NXPE2: variants seen among roughly 807,000 people sequenced by gnomAD.
NXPE2 encodes neurexophilin and PC-esterase domain family member 2.
A neutral mutation model predicts 34.4 loss-of-function variants in NXPE2; 34 were observed. The observed-to-expected ratio is 0.99, with a 90% confidence interval of 0.75 to 1.31. NXPE2 has a LOEUF of 1.31. NXPE2 is among the 40% of genes most tolerant of loss of function. The pLI, the probability that NXPE2 is intolerant of heterozygous loss-of-function variation, is 0.00. For synonymous variants in NXPE2, 235 were observed against 231.3 expected (o/e 1.02, Z -0.15); for missense variants, 649 against 672.5 (o/e 0.97, Z 0.39).
At chr11:114,806,994 C>T in the NXPE2 span, among the ~76,000 whole-genome samples, 82,055 of 151,408 alleles carry the variant, frequency 0.54, 23,523 homozygotes, top group Non-Finnish European at 0.65. Flanking sequence ...GCTGATCTCT[C>T]GCCAGAAACT....
the NXPE2 span, among the ~76,000 whole-genome samples, chr11:114,606,763 G>T: frequency 6.6e-6 from 1 of 151,870 alleles, no homozygotes; most frequent in Non-Finnish European, 1.5e-5. Context: ...AGTACCACAG[G>T]GGTAACCACT....
chr11:114,802,999 C>T, the NXPE2 span, among the ~76,000 whole-genome samples: 12 of 152,102 alleles, frequency 7.9e-5, no homozygotes, highest in South Asian at 2.1e-4. Context: ...AAGCAGGGCC[C>T]GCAGGTCCCC....
the NXPE2 span, among the ~76,000 whole-genome samples, chr11:114,559,630 C>T: frequency 6.6e-6 from 1 of 151,930 alleles, no homozygotes; most frequent in East Asian, 1.9e-4. Flanking sequence ...TTGTTTCCCA[C>T]ACTTTCTTCT....
At chr11:114,487,480 C>T in the NXPE2 span, among the ~76,000 whole-genome samples, 93,395 of 151,982 alleles carry the variant, frequency 0.61, 30,317 homozygotes, top group African/African-American at 0.84. Context: ...TGCTATAAAA[C>T]TTCCTTTCCA....
chr11:114,520,560 ATGC>A, the NXPE2 span, among the ~76,000 whole-genome samples: 2 of 152,184 alleles, frequency 1.3e-5, no homozygotes, highest in Admixed American at 6.5e-5. Context: ...ATTGTGAATA[ATGC>A]TGCAGTGAGC....
chr11:114,542,182 A>G, the NXPE2 span, among the ~76,000 whole-genome samples: 1 of 152,076 alleles, frequency 6.6e-6, no homozygotes, highest in East Asian at 1.9e-4. Flanking sequence ...CTTAAATTCT[A>G]TTTTCTTTAC....
chr11:114,783,821 A>G, the NXPE2 span, among the ~76,000 whole-genome samples: 74 of 152,146 alleles, frequency 4.9e-4, no homozygotes, highest in Non-Finnish European at 6.3e-4. Context: ...TCCATTCAAG[A>G]GTTGCTCAAC....
chr11:114,653,574 C>T, the NXPE2 span, among the ~76,000 whole-genome samples: 12 of 142,354 alleles, frequency 8.4e-5, no homozygotes, highest in East Asian at 2.1e-4. Context: ...CTTGCTCTGT[C>T]GCCCAGGCAG....
the NXPE2 span, among the ~76,000 whole-genome samples, chr11:114,643,239 G>GTT: frequency 2.6e-5 from 4 of 152,010 alleles, no homozygotes; most frequent in African/African-American, 9.7e-5. Context: ...TTCTTTTGCT[G>GTT]TGCAGAAGCT....
the NXPE2 span, among the ~76,000 whole-genome samples, chr11:114,766,533 A>G: frequency 4.0e-5 from 6 of 151,240 alleles, no homozygotes; most frequent in Non-Finnish European, 8.9e-5. Context: ...CTTTATTCCC[A>G]CACTTTCCCT....
At chr11:114,491,821 AT>A in the NXPE2 span, among the ~76,000 whole-genome samples, 8 of 152,242 alleles carry the variant, frequency 5.3e-5, no homozygotes, top group African/African-American at 1.9e-4. Context: ...ATGGAATACT[AT>A]GCAGCCATAA....
At chr11:114,673,264 T>C in the NXPE2 span, among the ~76,000 whole-genome samples, 2 of 151,370 alleles carry the variant, frequency 1.3e-5, no homozygotes, top group Admixed American at 1.3e-4. Context: ...GAAATCAGAA[T>C]ACACTTTCAG....
chr11:114,787,711 A>AGCATC, the NXPE2 span, among the ~76,000 whole-genome samples: 1 of 152,206 alleles, frequency 6.6e-6, no homozygotes, highest in Non-Finnish European at 1.5e-5. Context: ...GCTACTATGT[A>AGCATC]TGTATCTATC....
the NXPE2 span, among the ~76,000 whole-genome samples, chr11:114,772,396 T>G: frequency 6.6e-6 from 1 of 152,098 alleles, no homozygotes; most frequent in Non-Finnish European, 1.5e-5. Flanking sequence ...AAGTTCTGAT[T>G]CTAAATCCTG....
chr11:114,525,459 T>C, the NXPE2 span, among the ~76,000 whole-genome samples: 2 of 152,078 alleles, frequency 1.3e-5, no homozygotes, highest in African/African-American at 4.8e-5. Context: ...GAGGCTTTGG[T>C]AGCATTATCT....
chr11:114,611,609 A>T, the NXPE2 span, among the ~76,000 whole-genome samples: 6 of 151,440 alleles, frequency 4.0e-5, no homozygotes, highest in East Asian at 2.0e-4. Flanking sequence ...CACAATTCTT[A>T]CCCTGTGGAA....
chr11:114,512,520 G>A, the NXPE2 span, among the ~76,000 whole-genome samples: 7 of 152,106 alleles, frequency 4.6e-5, 1 homozygote, highest in Admixed American at 4.6e-4. Context: ...TCTGGGGCTC[G>A]CGACAGTCGG....
the NXPE2 span, among the ~76,000 whole-genome samples, chr11:114,619,916 C>A: frequency 6.6e-6 from 1 of 151,944 alleles, no homozygotes; most frequent in South Asian, 2.1e-4. Flanking sequence ...ATAAGTGTTA[C>A]CTCATGGGTA....
chr11:114,643,472 T>C, the NXPE2 span, among the ~76,000 whole-genome samples: 3 of 152,162 alleles, frequency 2.0e-5, no homozygotes, highest in African/African-American at 7.2e-5. Context: ...GTTTTCTGTA[T>C]ATGGCTAGGC....
Sources: allele counts gnomAD v4.1 joint callset (sites outside exome capture counted in the v4.1 genomes callset), GRCh38; gene constraint gnomAD v4.1.1; transcripts MANE v1.5; gene names NCBI Gene and HGNC (gene_info 2026-07-23, HGNC 2026-07-21).